The following CREG1 variants were observed in gnomAD, a reference collection of about 807,000 sequenced individuals.
CREG1 encodes the protein protein CREG1.
A neutral mutation model predicts 19.9 loss-of-function variants in CREG1; 20 were observed. That is an observed-to-expected ratio of 1.01 (90% CI 0.71 to 1.46). CREG1 has a LOEUF of 1.46. Ranked by LOEUF, CREG1 falls within the 40% of genes most tolerant of loss-of-function variation. The pLI, the probability that CREG1 is intolerant of heterozygous loss-of-function variation, is 0.00. For synonymous variants in CREG1, 141 were observed against 143.3 expected (o/e 0.98, Z 0.12); for missense variants, 290 against 314.9 (o/e 0.92, Z 0.60).
chr1:167,541,315 C>G lies in CREG1; in HGVS notation c.*983G>C. 1 of 152,156 alleles carries G rather than the reference C, an allele frequency of 6.6e-6. No individual in the cohort carries two copies. Among genetic ancestry groups the G allele is most frequent in the East Asian group, 1.9e-4 (1 of 5,192 alleles). The allele number at this position is 152,156 out of a possible 1,614,324, so 9.4% of individuals were successfully genotyped here. A position where few individuals can be genotyped will look rare whatever the true frequency, so the allele number is the denominator to read the frequency against. On this transcript the variant is annotated 3_prime_UTR_variant, in exon 4 of 4. Transcript: ENST00000370509. ...TTCTTTTAATGCCATGTTCTCTTCC[C>G]TCTGGTGACCTGACTTAGATTGTAG...
chr1:167,550,825 TACA>T (rs1215036033), intron 1 of CREG1, among the ~76,000 whole-genome samples: 9 of 152,020 alleles, frequency 5.9e-5, no homozygotes, highest in Non-Finnish European at 1.3e-4. Flanking sequence ...AGAGAATGTA[TACA>T]ACGAGAGTGT....
chr1:167,548,297 A>G (rs574728620), intron 1 of CREG1, among the ~76,000 whole-genome samples, 176 bp from the exon 2 acceptor site: 1 of 152,220 alleles, frequency 6.6e-6, no homozygotes, highest in Admixed American at 6.5e-5. Context: ...TATCCTGACC[A>G]CTCCCCAAAG....
At chr1:167,547,875 C>T (rs1656355578) in intron 2 of CREG1, 127 bp downstream of exon 2, 2 of 1,033,110 alleles carry the variant, frequency 1.9e-6, no homozygotes, top group Non-Finnish European at 2.8e-6. Flanking sequence ...AAGCCGAGAT[C>T]ACACCACTGC....
Position 167,541,656 on chromosome 1 carries a change from G to A in CREG1, c.*642C>T, listed in dbSNP as rs1023418806. 1 of 152,166 alleles carries A rather than the reference G, an allele frequency of 6.6e-6. No homozygotes were observed. Among genetic ancestry groups the A allele is most frequent in the East Asian group, 1.9e-4 (1 of 5,202 alleles). The allele number at this position is 152,166 out of a possible 1,614,324, so 9.4% of individuals were successfully genotyped here. ...GTTTTATGACTTTCTTTTGTTCTGA[G>A]TATCACTTTAGAGTATAAAAAGTTT... On this transcript the variant is annotated 3_prime_UTR_variant, in exon 4 of 4. Coordinates refer to ENST00000370509, the MANE Select transcript of CREG1 (RefSeq NM_003851.3).
At chr1:167,552,988 A>G (rs900219542) in intron 1 of CREG1, among the ~76,000 whole-genome samples, 1 of 151,824 alleles carries the variant, frequency 6.6e-6, no homozygotes, top group Non-Finnish European at 1.5e-5. Flanking sequence ...CAGAGGTTGC[A>G]GTAAGCTGAG....
intron 3 of CREG1, among the ~76,000 whole-genome samples, chr1:167,544,687 G>A (rs1431729968): frequency 7.9e-5 from 12 of 152,112 alleles, no homozygotes; most frequent in African/African-American, 2.7e-4. Flanking sequence ...AGAACAAACA[G>A]TTTAGGCCAG....
chr1:167,542,214 T>C lies in CREG1; in HGVS notation c.*84A>G. On this transcript the variant is annotated 3_prime_UTR_variant, in exon 4 of 4. Coordinates refer to ENST00000370509, the MANE Select transcript of CREG1 (RefSeq NM_003851.3). ...AACTGGCTAATATTCTGGGACGCTT[T>C]CCAGAGAAACATTAAGCCTTTTAAG... is the stretch of plus-strand genomic sequence containing the variant. The C allele has an allele frequency of 7.8e-7, 1 of 1,277,186 alleles. No homozygotes were observed. The highest frequency in any genetic ancestry group is 1.1e-6 in the Non-Finnish European group (1 of 935,674). The allele number at this position is 1,277,186 out of a possible 1,614,324, so 79.1% of individuals were successfully genotyped here. A position where few individuals can be genotyped will look rare whatever the true frequency, so the allele number is the denominator to read the frequency against.
intron 1 of CREG1, among the ~76,000 whole-genome samples, chr1:167,552,733 T>C (rs1023574482): frequency 2.0e-5 from 3 of 152,192 alleles, no homozygotes; most frequent in South Asian, 2.1e-4. Context: ...ACAATCTCTA[T>C]GCCCTGTAAA....
chr1:167,545,759 TG>T (rs1656306455), intron 3 of CREG1, among the ~76,000 whole-genome samples: 1 of 152,042 alleles, frequency 6.6e-6, no homozygotes, highest in African/African-American at 2.4e-5. Flanking sequence ...TGAGCTGAGA[TG>T]GTGCCACTGC....
At chr1:167,549,377 G>GCA (rs1656383619) in intron 1 of CREG1, among the ~76,000 whole-genome samples, 1 of 111,868 alleles carries the variant, frequency 8.9e-6, no homozygotes, top group African/African-American at 3.6e-5. Context: ...CCAAATAACT[G>GCA]CAATTTTTTT....
Position 167,541,991 on chromosome 1 carries a change from A to C in CREG1, c.*307T>G, listed in dbSNP as rs1656234026. 3.8e-6 allele frequency: 1 copy of C among 264,708 alleles called. No homozygotes were observed. Among genetic ancestry groups the C allele is most frequent in the African/African-American group, 2.2e-5 (1 of 44,724 alleles). The allele number at this position is 264,708 out of a possible 1,614,324, so 16.4% of individuals were successfully genotyped here. A position where few individuals can be genotyped will look rare whatever the true frequency, so the allele number is the denominator to read the frequency against. On this transcript the variant is annotated 3_prime_UTR_variant, in exon 4 of 4. Coordinates refer to ENST00000370509, the MANE Select transcript of CREG1 (RefSeq NM_003851.3). ...TTAAAACTGGTACTCATTCCTCTTC[A>C]AGAGCACCACTGGAAACATCTTTGG... is the stretch of plus-strand genomic sequence containing the variant.
intron 1 of CREG1, among the ~76,000 whole-genome samples, chr1:167,550,300 T>G (rs926002494): frequency 3.9e-5 from 6 of 152,222 alleles, no homozygotes; most frequent in African/African-American, 7.2e-5. Context: ...TATATGCATT[T>G]TAAACAAACA....
At chr1:167,542,691 A>G (rs1656246517) in intron 3 of CREG1, among the ~76,000 whole-genome samples, 1 of 152,250 alleles carries the variant, frequency 6.6e-6, no homozygotes, top group Non-Finnish European at 1.5e-5. Context: ...CCTGAACATC[A>G]GGGCAGAAGA....
intron 3 of CREG1, among the ~76,000 whole-genome samples, chr1:167,542,607 G>A (rs61684208): frequency 0.19 from 28,430 of 152,174 alleles, 2,979 homozygotes; most frequent in East Asian, 0.31. Context: ...GGCCACTGCC[G>A]TGGCTGCTGT....
chr1:167,548,671 A>C (rs75008967), intron 1 of CREG1, among the ~76,000 whole-genome samples: 14,179 of 152,288 alleles, frequency 0.093, 906 homozygotes, highest in Admixed American at 0.18. Context: ...AAAAAGTAAC[A>C]CAAGTAAAAT....
At chr1:167,545,184 G>C (rs1348551625) in intron 3 of CREG1, among the ~76,000 whole-genome samples, 3 of 152,070 alleles carry the variant, frequency 2.0e-5, no homozygotes, top group Admixed American at 2.0e-4. Flanking sequence ...CACAGTCCAG[G>C]AGCACCTGAG....
In CREG1 at chr1:167,542,277, C is replaced by T; in HGVS notation, c.*21G>A. 1 of 1,598,274 alleles carries T rather than the reference C, an allele frequency of 6.3e-7. No homozygotes were observed. The highest frequency in any genetic ancestry group is 8.5e-7 in the Non-Finnish European group (1 of 1,173,788). On this transcript the variant is annotated 3_prime_UTR_variant, in exon 4 of 4. Transcript: ENST00000370509. ...ACTTTAAGAAACTTCATAAGTGTTGCTAAATTCACCACAGTCTGCTTCACC... is the reference window on the plus strand; with the variant it reads ...ACTTTAAGAAACTTCATAAGTGTTGTTAAATTCACCACAGTCTGCTTCACC...
Position 167,542,052 on chromosome 1 carries a change from G to C in CREG1, c.*246C>G, listed in dbSNP as rs1299050526. The C allele has an allele frequency of 1.0e-5, 4 of 398,028 alleles. No individual in the cohort carries two copies. Among genetic ancestry groups the C allele is most frequent in the Non-Finnish European group, 1.4e-5 (3 of 221,692 alleles). 24.7% of individuals were successfully genotyped at this position (398,028 alleles called of 1,614,324 possible). A position where few individuals can be genotyped will look rare whatever the true frequency, so the allele number is the denominator to read the frequency against. ...ACAAAACTTATTTGATTATAGTGAA[G>C]GATATTTCTCTACGAAAATGGCTTC... On this transcript the variant is annotated 3_prime_UTR_variant, in exon 4 of 4. Coordinates refer to ENST00000370509, the MANE Select transcript of CREG1 (RefSeq NM_003851.3).
chr1:167,547,683 G>A (rs1353291595), intron 2 of CREG1, among the ~76,000 whole-genome samples: 1 of 152,142 alleles, frequency 6.6e-6, no homozygotes, highest in African/African-American at 2.4e-5. Flanking sequence ...CACTTTGGGA[G>A]GTCGAGGTGG....
Sources: gnomAD v4.1 joint callset for allele counts (sites outside exome capture counted in the v4.1 genomes callset) on GRCh38, gnomAD v4.1.1 for gene constraint, MANE v1.5 for transcripts, NCBI Gene and HGNC (gene_info 2026-07-23, HGNC 2026-07-21) for gene names.